ZNF334: variants seen among roughly 807,000 people sequenced by gnomAD.
The protein encoded by ZNF334 is zinc finger protein 334.
A neutral mutation model predicts 12.4 loss-of-function variants in ZNF334; 14 were observed. The observed-to-expected ratio is 1.13, with a 90% confidence interval of 0.74 to 1.76. The LOEUF (loss-of-function observed/expected upper bound fraction) is 1.76. ZNF334 is among the 40% of genes most tolerant of loss of function. ZNF334 has a pLI of 0.00. For missense variants in ZNF334, 797 were observed against 804.5 expected (o/e 0.99, Z 0.11); for synonymous variants, 273 against 269.6 (o/e 1.01, Z -0.12).
rs2061095117 is a variant in ZNF334 at position 46,499,865 on chromosome 20, AATAG to A, written c.*1427_*1430del. Reference sequence around the variant, plus strand: ...TCCTGAAGGACATAAAAACTGAATAAATAGATAAATCATGTTCATATTGGGTTCT... The same window carrying A: ...TCCTGAAGGACATAAAAACTGAATAAATAAATCATGTTCATATTGGGTTCT... On this transcript the variant is annotated 3_prime_UTR_variant, in exon 5 of 5. Coordinates refer to ENST00000692313, the MANE Select transcript of ZNF334 (RefSeq NM_001353824.2). 1 of 152,244 alleles carries A rather than the reference AATAG, an allele frequency of 6.6e-6. No individual in the cohort carries two copies. The highest frequency in any genetic ancestry group is 2.1e-4 in the South Asian group (1 of 4,834). 9.4% of individuals were successfully genotyped at this position (152,244 alleles called of 1,614,324 possible).
At position 46,506,730 on chromosome 20, in the gene ZNF334, G is replaced by A. The variant is rs532398113; in HGVS notation, c.22-1990C>T. ...ATTCAGGGGAGAGGTGGAGACAGAC[G>A]GAAAGAATGGACGGATGGGAACAGA... On this transcript the variant is annotated intron_variant, in intron 2 of 4. Coordinates refer to ENST00000692313, the MANE Select transcript of ZNF334 (RefSeq NM_001353824.2). 71 of 170,946 alleles carry A rather than the reference G, an allele frequency of 4.2e-4. 1 individual carries two copies. The South Asian group carries it at 0.011, about 26-fold the overall frequency. 10.6% of individuals were successfully genotyped at this position (170,946 alleles called of 1,614,324 possible).
At chr20:46,495,663 A>G (rs376558123), downstream of ZNF334, among the ~76,000 whole-genome samples, 1 of 152,174 alleles carries the variant, frequency 6.6e-6, no homozygotes, top group African/African-American at 2.4e-5. Flanking sequence ...GGGAACCAAT[A>G]TGAGGATTCT....
intron 2 of ZNF334, among the ~76,000 whole-genome samples, chr20:46,508,001 C>A (rs1162295890): frequency 6.6e-6 from 1 of 151,988 alleles, no homozygotes; most frequent in Non-Finnish European, 1.5e-5. Context: ...AGGGAAGAGC[C>A]CTCACTAGAA....
the ZNF334 span, among the ~76,000 whole-genome samples, chr20:46,471,445 GGAGTT>G: frequency 2.6e-5 from 4 of 152,128 alleles, no homozygotes; most frequent in East Asian, 7.7e-4. Flanking sequence ...TTGAGGAACA[GGAGTT>G]CTTAATTTTA....
intron 2 of ZNF334, chr20:46,509,477 T>C (rs897917939): frequency 1.5e-6 from 1 of 673,102 alleles, no homozygotes; most frequent in Non-Finnish European, 2.7e-6. Flanking sequence ...AGGGGCAAGT[T>C]TCCTCAGCAG....
chr20:46,501,035 TA>T lies in ZNF334; in HGVS notation c.*260del. The stretch of plus-strand genomic sequence containing the variant: ...TTAAACAATGTTTGTTTCATTATTT[TA>T]AAAGGGAGGCACATTTGGCATAACC... On this transcript the variant is annotated 3_prime_UTR_variant, in exon 5 of 5. Transcript: ENST00000692313. 2.5e-6 allele frequency: 1 copy of T among 401,146 alleles called. No homozygotes were observed. Among genetic ancestry groups the T allele is most frequent in the Non-Finnish European group, 4.4e-6 (1 of 226,192 alleles). 24.8% of individuals were successfully genotyped at this position (401,146 alleles called of 1,614,324 possible).
the ZNF334 span, among the ~76,000 whole-genome samples, chr20:46,488,804 G>GGTTT: frequency 1.8e-4 from 19 of 104,138 alleles, no homozygotes; most frequent in South Asian, 5.2e-4. Flanking sequence ...CTAGTTAATA[G>GGTTT]TTTTTTTTTT....
At chr20:46,466,182 G>C in the ZNF334 span, among the ~76,000 whole-genome samples, 1 of 151,994 alleles carries the variant, frequency 6.6e-6, no homozygotes, top group Non-Finnish European at 1.5e-5. Context: ...AGAATACCAA[G>C]CCATCAAAGG....
chr20:46,503,116 T>TAG lies in ZNF334; in HGVS notation c.242-20_242-19insCT. 6.4e-7 allele frequency: 1 copy of TAG among 1,568,418 alleles called. No individual in the cohort carries two copies. Among genetic ancestry groups the TAG allele is most frequent in the Non-Finnish European group, 8.6e-7 (1 of 1,160,580 alleles). ...TCAATGTCTAGAAAAAGGAACACAATTAACGGTAATTGGTGAGCCTTTATA... is the reference window on the plus strand; with the variant it reads ...TCAATGTCTAGAAAAAGGAACACAATAGTAACGGTAATTGGTGAGCCTTTATA... On this transcript the variant is annotated intron_variant, in intron 4 of 4. Transcript: ENST00000692313.
chr20:46,503,235 A>G, intron 4 of ZNF334, 138 bp from the exon 5 acceptor site: 1 of 1,037,630 alleles, frequency 9.6e-7, no homozygotes, highest in Non-Finnish European at 1.3e-6. Flanking sequence ...TTTCAAGTGC[A>G]AATATCTCTT....
chr20:46,508,049 T>C (rs939711071), intron 2 of ZNF334, among the ~76,000 whole-genome samples: 6 of 152,214 alleles, frequency 3.9e-5, no homozygotes, highest in African/African-American at 1.4e-4. Context: ...GTGCACTTCA[T>C]AGCAGAAAGT....
chr20:46,509,824 A>G, intron 2 of ZNF334: 2 of 613,018 alleles, frequency 3.3e-6, no homozygotes, highest in African/African-American at 1.8e-5. Flanking sequence ...CAGAATATGG[A>G]AGGTTTGCAT....
At chr20:46,509,725 C>T (rs1657061507) in intron 2 of ZNF334, 2 of 699,062 alleles carry the variant, frequency 2.9e-6, no homozygotes, top group Admixed American at 2.0e-5. Context: ...TGGTACCACA[C>T]CTCATGGTGT....
At chr20:46,490,915 A>G in the ZNF334 span, 3 of 152,360 alleles carry the variant, frequency 2.0e-5, no homozygotes, top group African/African-American at 7.2e-5. Flanking sequence ...GAGAATACCG[A>G]ACACATCGTA....
the ZNF334 span, chr20:46,490,867 T>C: frequency 2.6e-5 from 4 of 152,214 alleles, no homozygotes; most frequent in Admixed American, 6.5e-5. Flanking sequence ...GTGCCCTCAA[T>C]GAATCTGGGA....
chr20:46,488,815 T>TG, the ZNF334 span, among the ~76,000 whole-genome samples: 1 of 151,900 alleles, frequency 6.6e-6, no homozygotes, highest in East Asian at 1.9e-4. Flanking sequence ...TTTTTTTTTT[T>TG]TTTTTAGTAC....
At chr20:46,484,868 G>GT in the ZNF334 span, 2 of 158,836 alleles carry the variant, frequency 1.3e-5, no homozygotes, top group Non-Finnish European at 2.9e-5. Flanking sequence ...AATGAAGATG[G>GT]TTTTTTATAC....
the ZNF334 span, chr20:46,464,362 C>CT: frequency 7.0e-5 from 36 of 510,668 alleles, no homozygotes; most frequent in Admixed American, 7.7e-4. Flanking sequence ...TCTCAAATAG[C>CT]TTAGTGCCCT....
intron 2 of ZNF334, chr20:46,506,037 T>C (rs2061418151): frequency 7.9e-6 from 2 of 254,546 alleles, no homozygotes; most frequent in Non-Finnish European, 1.5e-5. Flanking sequence ...ACGCTAGTAG[T>C]ATATGTGGAG....
Sources: gnomAD v4.1 joint callset for allele counts (sites outside exome capture counted in the v4.1 genomes callset) on GRCh38, gnomAD v4.1.1 for gene constraint, MANE v1.5 for transcripts, NCBI Gene and HGNC (gene_info 2026-07-23, HGNC 2026-07-21) for gene names.